Variants in EVC2 observed in about 807,000 individuals in gnomAD.
EVC2 encodes the protein EvC ciliary complex subunit 2.
EVC2 carries 148 observed loss-of-function variants against 149.3 expected under a neutral mutation model. That is an observed-to-expected ratio of 0.99 (90% CI 0.87 to 1.14). The LOEUF (loss-of-function observed/expected upper bound fraction) is 1.14. Among genes scored for constraint, EVC2 ranks in the 50% most tolerant of loss-of-function variants. The pLI is 0.00. For missense variants in EVC2, 1,854 were observed against 1,627.3 expected, an observed-to-expected ratio of 1.14 and a Z score of -2.40; for synonymous variants, 776 against 649.9, an observed-to-expected ratio of 1.19 and a Z score of -2.95.
intron 6 of EVC2, among the ~76,000 whole-genome samples, chr4:5,681,590 T>C (rs1040931789): frequency 6.6e-6 from 1 of 152,002 alleles, no homozygotes; most frequent in Non-Finnish European, 1.5e-5. Context: ...ACGCTTGGGG[T>C]TGGGCACTGA....
the EVC2 span, among the ~76,000 whole-genome samples, chr4:5,530,003 A>G: frequency 1.2e-4 from 18 of 151,964 alleles, no homozygotes; most frequent in African/African-American, 4.1e-4. Flanking sequence ...TTTAGTAGAG[A>G]CGGGATTTCG....
In EVC2 at chr4:5,708,438, C is replaced by T. The variant is rs1722362691; in HGVS notation, c.76G>A (p.Gly26Arg). ...GGLLAVALALGGRGCLGASSR... is the reference protein window; with the variant it reads ...GGLLAVALALRGRGCLGASSR... ...CTGGCGCCGAGACAGCCTCGGCCCCCCAGCGCCAGGGCCACTGCCAGGAGA... is the reference window on the plus strand; with the variant it reads ...CTGGCGCCGAGACAGCCTCGGCCCCTCAGCGCCAGGGCCACTGCCAGGAGA... Residue 26 changes from glycine to arginine, a missense_variant, in exon 1 of 22, where the codon GGG (glycine) becomes AGG (arginine). Transcript: ENST00000344408. The T allele has an allele frequency of 6.6e-7, 1 of 1,506,028 alleles. No individual in the cohort carries two copies. The highest frequency in any genetic ancestry group is 2.3e-4 in the Middle Eastern group (1 of 4,344). The allele number at this position is 1,506,028 out of a possible 1,614,324, so 93.3% of individuals were successfully genotyped here. A position where few individuals can be genotyped will look rare whatever the true frequency, so the allele number is the denominator to read the frequency against.
chr4:5,541,180 G>A (rs544531219), downstream of EVC2, among the ~76,000 whole-genome samples: 5 of 152,280 alleles, frequency 3.3e-5, no homozygotes, highest in African/African-American at 7.2e-5. Flanking sequence ...GCAATTTCAC[G>A]GATTCACTCA....
downstream of EVC2, chr4:5,562,331 T>A (rs1004451232): frequency 1.0e-5 from 6 of 578,272 alleles, no homozygotes; most frequent in Non-Finnish European, 1.3e-5. This position sits in a 1 kb window ranked among gnomAD's most constrained non-coding sequence, Gnocchi z 4.3. Context: ...ACTGGAGCGA[T>A]AGAGGGCGAA....
At chr4:5,600,112 A>C (rs1713851535) in intron 16 of EVC2, among the ~76,000 whole-genome samples, 1 of 152,132 alleles carries the variant, frequency 6.6e-6, no homozygotes, top group Non-Finnish European at 1.5e-5. Flanking sequence ...TTTAAGGTTG[A>C]TCTATTATCT....
intron 9 of EVC2, among the ~76,000 whole-genome samples, chr4:5,646,614 T>G (rs972149741): frequency 6.6e-6 from 1 of 152,226 alleles, no homozygotes; most frequent in Non-Finnish European, 1.5e-5. Flanking sequence ...TCTCTTGTAT[T>G]TTATCAATTT....
chr4:5,547,150 G>A (rs139444657), intron 21 of EVC2, among the ~76,000 whole-genome samples: 4 of 152,348 alleles, frequency 2.6e-5, no homozygotes, highest in East Asian at 3.9e-4. Flanking sequence ...TGCCTGCTCC[G>A]ATCTCAGAGC....
At chr4:5,654,222 A>C (rs547744979) in intron 9 of EVC2, among the ~76,000 whole-genome samples, 1 of 152,276 alleles carries the variant, frequency 6.6e-6, no homozygotes, top group Non-Finnish European at 1.5e-5. Flanking sequence ...TCAAAAAAAA[A>C]AGAGGTTGGA....
chr4:5,540,720 T>C (rs1314143085), downstream of EVC2, among the ~76,000 whole-genome samples: 2 of 152,180 alleles, frequency 1.3e-5, no homozygotes, highest in East Asian at 1.9e-4. Context: ...AGGATGGAGA[T>C]GTTCATTGTC....
At chr4:5,531,227 T>A in the EVC2 span, among the ~76,000 whole-genome samples, 1 of 152,090 alleles carries the variant, frequency 6.6e-6, no homozygotes, top group African/African-American at 2.4e-5. Context: ...TGAAAAGACT[T>A]CCCTTGTATT....
At chr4:5,565,208 C>G in intron 21 of EVC2, 50 bp downstream of exon 21, 1 of 1,580,414 alleles carries the variant, frequency 6.3e-7, no homozygotes, top group Non-Finnish European at 8.7e-7. Flanking sequence ...GGCCCACAGG[C>G]AGCTTAGCTC....
chr4:5,641,877 C>T (rs1233077278), intron 9 of EVC2, among the ~76,000 whole-genome samples: 1 of 152,064 alleles, frequency 6.6e-6, no homozygotes, highest in Non-Finnish European at 1.5e-5. Context: ...ACCTATCAAC[C>T]CGATATCTAG....
chr4:5,600,382 G>T (rs1713880529), intron 16 of EVC2, among the ~76,000 whole-genome samples: 2 of 152,076 alleles, frequency 1.3e-5, no homozygotes, highest in Non-Finnish European at 2.9e-5. Context: ...ATAATGGTTT[G>T]CCATATTGAG....
intron 21 of EVC2, among the ~76,000 whole-genome samples, chr4:5,548,088 G>A (rs1451275968): frequency 6.6e-6 from 1 of 152,056 alleles, no homozygotes; most frequent in Non-Finnish European, 1.5e-5. Context: ...TGTGCACGGT[G>A]GCTGGACCCC....
intron 9 of EVC2, among the ~76,000 whole-genome samples, chr4:5,653,938 G>A (rs933689786): frequency 6.6e-6 from 1 of 152,236 alleles, no homozygotes; most frequent in African/African-American, 2.4e-5. Context: ...AACAGGCCGG[G>A]CATGGTGGTT....
At chr4:5,689,749 G>A (rs1720981507) in intron 4 of EVC2, among the ~76,000 whole-genome samples, 1 of 152,178 alleles carries the variant, frequency 6.6e-6, no homozygotes, top group Admixed American at 6.5e-5. Flanking sequence ...ATGGTCATGT[G>A]ATCTCCAGGA....
At chr4:5,647,365 C>T (rs1000324846) in intron 9 of EVC2, among the ~76,000 whole-genome samples, 2 of 152,270 alleles carry the variant, frequency 1.3e-5, no homozygotes, top group East Asian at 3.9e-4. Context: ...TGATCAACTG[C>T]GGTCTTTATT....
chr4:5,701,474 G>A (rs143210167), intron 1 of EVC2, among the ~76,000 whole-genome samples: 7 of 152,122 alleles, frequency 4.6e-5, no homozygotes, highest in South Asian at 2.1e-4. Flanking sequence ...CTTGACCTTC[G>A]GGTCACATTC....
At chr4:5,575,854 G>A (rs900420073) in intron 18 of EVC2, among the ~76,000 whole-genome samples, 6 of 152,162 alleles carry the variant, frequency 3.9e-5, no homozygotes, top group African/African-American at 1.4e-4. Context: ...TTGCAATAAG[G>A]CCTGTAGTCT....
Sources: gnomAD v4.1 joint callset for allele counts (sites outside exome capture counted in the v4.1 genomes callset) on GRCh38, gnomAD v4.1.1 for gene constraint, Gnocchi (gnomAD v3.1) non-coding constraint, MANE v1.5 for transcripts, NCBI Gene and HGNC (gene_info 2026-07-23, HGNC 2026-07-21) for gene names.